The following LNPK variants were observed in gnomAD, a reference collection of about 807,000 sequenced individuals.
The protein encoded by LNPK is endoplasmic reticulum junction formation protein lunapark.
LNPK carries 29 observed loss-of-function variants against 55.2 expected under a neutral mutation model. The ratio of observed to expected loss-of-function variants is 0.53; its 90% CI spans 0.39 to 0.72. LNPK has a LOEUF of 0.72. Ranked by LOEUF, LNPK falls within the 30% of genes least tolerant of loss-of-function variation. LNPK has a pLI of 0.00. For missense variants in LNPK, 467 were observed against 494.8 expected (o/e 0.94, Z 0.53); for synonymous variants, 162 against 168.2 (o/e 0.96, Z 0.29).
chr2:175,942,438 A>G (rs1472966556), intron 9 of LNPK, among the ~76,000 whole-genome samples: 1 of 152,190 alleles, frequency 6.6e-6, no homozygotes, highest in Non-Finnish European at 1.5e-5. Context: ...ATTCTCAGAC[A>G]TAAAACAAGT....
chr2:176,002,434 C>G, upstream of LNPK: 3 of 325,594 alleles, frequency 9.2e-6, no homozygotes, highest in South Asian at 6.8e-5. Flanking sequence ...CCTCCGCAGC[C>G]AGCTTAGGCT....
chr2:175,958,243 A>C (rs1041230351), intron 8 of LNPK, among the ~76,000 whole-genome samples: 1 of 152,240 alleles, frequency 6.6e-6, no homozygotes, highest in Non-Finnish European at 1.5e-5. Context: ...CTCTGAGAAC[A>C]GACAGACTGC....
At chr2:175,954,221 G>A (rs186981597) in intron 8 of LNPK, among the ~76,000 whole-genome samples, 155 of 152,240 alleles carry the variant, frequency 1.0e-3, no homozygotes, top group African/African-American at 3.3e-3. Flanking sequence ...ATGTGGGAAA[G>A]GTAACTGGTA....
rs759242013 is a variant in LNPK at position 175,979,943 on chromosome 2, CAT to C, written c.258-77_258-76del. On this transcript the variant is annotated intron_variant, in intron 4 of 12. Coordinates refer to ENST00000272748, the MANE Select transcript of LNPK (RefSeq NM_030650.3). ...AATTAGAAGCCATGTAAAATGAAAACATATATTTCCAATTAGAGTTAGGTACA... is the reference window on the plus strand; with the variant it reads ...AATTAGAAGCCATGTAAAATGAAAACATATTTCCAATTAGAGTTAGGTACA... 1.4e-5 allele frequency: 19 copies of C among 1,326,672 alleles called. No individual in the cohort carries two copies. The South Asian group carries it at 2.1e-4, about 15-fold the overall frequency. 82.2% of individuals were successfully genotyped at this position (1,326,672 alleles called of 1,614,324 possible). A position where few individuals can be genotyped will look rare whatever the true frequency, so the allele number is the denominator to read the frequency against.
intron 4 of LNPK, among the ~76,000 whole-genome samples, chr2:175,980,800 G>C (rs946092743): frequency 6.6e-6 from 1 of 151,732 alleles, no homozygotes; most frequent in African/African-American, 2.4e-5. Context: ...CCAGCTACTT[G>C]GGAGGCTGAG....
In LNPK at chr2:175,926,379, CCT is replaced by C. The variant is rs971389119; in HGVS notation, c.*3586_*3587del. 1 of 152,164 alleles carries C rather than the reference CCT, an allele frequency of 6.6e-6. No homozygotes were observed. Among genetic ancestry groups the C allele is most frequent in the Admixed American group, 6.5e-5 (1 of 15,278 alleles). 9.4% of individuals were successfully genotyped at this position (152,164 alleles called of 1,614,324 possible). ...ACTTCCATCTCTTGCTCACTCTTGC[CCT>C]CTCTTACCCTTCTGCCTTCTGGCAT... On this transcript the variant is annotated 3_prime_UTR_variant, in exon 13 of 13. Transcript: ENST00000272748.
At chr2:175,995,804 C>CTTTTTTTTTTTTTTTT (rs10674444) in intron 1 of LNPK, among the ~76,000 whole-genome samples, 158 bp from the exon 2 acceptor site, 2 of 66,426 alleles carry the variant, frequency 3.0e-5, no homozygotes, top group Non-Finnish European at 5.2e-5. Context: ...TAGAGTCTAC[C>CTTTTTTTTTTTTTTTT]TTTTTTTTTT....
chr2:175,933,108 T>C (rs183174725), intron 12 of LNPK, among the ~76,000 whole-genome samples: 84 of 152,256 alleles, frequency 5.5e-4, no homozygotes, highest in Middle Eastern at 3.4e-3. Context: ...ATGCAATTTC[T>C]TTCCCCACTC....
At chr2:175,961,106 C>T (rs1686006538) in intron 8 of LNPK, among the ~76,000 whole-genome samples, 1 of 152,164 alleles carries the variant, frequency 6.6e-6, no homozygotes, top group Non-Finnish European at 1.5e-5. Context: ...AATGAATTCA[C>T]AGCTGAATTC....
intron 4 of LNPK, among the ~76,000 whole-genome samples, chr2:175,982,419 C>A (rs1574885867): frequency 6.6e-6 from 1 of 152,024 alleles, no homozygotes; most frequent in East Asian, 1.9e-4. Flanking sequence ...ACAATAAATT[C>A]CTCTGGTTTT....
At chr2:175,962,668 T>C (rs1304304172) in intron 8 of LNPK, among the ~76,000 whole-genome samples, 2 of 151,970 alleles carry the variant, frequency 1.3e-5, no homozygotes, top group African/African-American at 2.4e-5. Flanking sequence ...TCTAAAACAC[T>C]AAAAGCAATG....
chr2:175,950,944 T>A (rs1685366786), intron 8 of LNPK, among the ~76,000 whole-genome samples: 1 of 152,162 alleles, frequency 6.6e-6, no homozygotes, highest in African/African-American at 2.4e-5. Flanking sequence ...GATACTAATT[T>A]ACACATTAAA....
At chr2:175,930,272 AT>A in intron 12 of LNPK, 73 bp from the exon 13 acceptor site, 1 of 810,160 alleles carries the variant, frequency 1.2e-6, no homozygotes. Context: ...AGCAAAAAAG[AT>A]AAACACACAC....
intron 1 of LNPK, among the ~76,000 whole-genome samples, chr2:176,000,704 A>G (rs1463090064): frequency 7.9e-5 from 12 of 152,168 alleles, no homozygotes; most frequent in African/African-American, 2.7e-4. Context: ...AATCACCATC[A>G]ACAGTACCTC....
chr2:175,958,140 T>C (rs1329446209), intron 8 of LNPK, among the ~76,000 whole-genome samples: 1 of 152,212 alleles, frequency 6.6e-6, no homozygotes, highest in Non-Finnish European at 1.5e-5. Context: ...AGGGCATAGC[T>C]GAACAAAAGG....
chr2:175,992,150 G>A, intron 4 of LNPK, 81 bp downstream of exon 4: 1 of 851,270 alleles, frequency 1.2e-6, no homozygotes, highest in Non-Finnish European at 1.7e-6. Flanking sequence ...ATAATAAAGA[G>A]ACCGAATATA....
At chr2:175,950,048 C>A (rs1414245872) in intron 8 of LNPK, among the ~76,000 whole-genome samples, 6 of 151,958 alleles carry the variant, frequency 3.9e-5, no homozygotes, top group African/African-American at 1.4e-4. Flanking sequence ...ACAAAGCCCC[C>A]AAAAGAGCCA....
intron 2 of LNPK, 28 bp downstream of exon 2, chr2:175,995,530 G>A: frequency 1.3e-6 from 2 of 1,577,226 alleles, no homozygotes; most frequent in Non-Finnish European, 1.7e-6. Context: ...TTAGACTCAA[G>A]AACTAGCTGT....
At chr2:175,968,006 A>C (rs1221890289) in intron 6 of LNPK, among the ~76,000 whole-genome samples, 2 of 152,226 alleles carry the variant, frequency 1.3e-5, no homozygotes, top group African/African-American at 4.8e-5. Flanking sequence ...TTATACATTT[A>C]TATAAATTAT....
Sources: allele counts gnomAD v4.1 joint callset (sites outside exome capture counted in the v4.1 genomes callset), GRCh38; gene constraint gnomAD v4.1.1; transcripts MANE v1.5; gene names NCBI Gene and HGNC (gene_info 2026-07-23, HGNC 2026-07-21).